Variants in CTNNA3 observed in about 807,000 individuals in gnomAD.
CTNNA3 encodes catenin alpha 3, also known as catenin alpha-3.
A neutral mutation model predicts 95.7 loss-of-function variants in CTNNA3; 76 were observed. The observed-to-expected ratio is 0.79, with a 90% CI of 0.66 to 0.96. The LOEUF is 0.96. CTNNA3 is among the 40% of genes least tolerant of loss of function. The pLI, the probability that CTNNA3 is intolerant of heterozygous loss-of-function variation, is 0.00. For missense variants in CTNNA3, 1,191 were observed against 1,089.8 expected (o/e 1.09, Z -1.31); for synonymous variants, 431 against 374.4 (o/e 1.15, Z -1.74).
intron 3 of CTNNA3, among the ~76,000 whole-genome samples, chr10:67,604,030 C>T (rs1420750453): frequency 2.6e-5 from 4 of 152,132 alleles, no homozygotes; most frequent in Non-Finnish European, 4.4e-5. Context: ...AAATACTTAC[C>T]GCTATGTTAT....
intron 7 of CTNNA3, among the ~76,000 whole-genome samples, chr10:66,912,535 A>G (rs898715396): frequency 3.9e-5 from 6 of 152,216 alleles, no homozygotes; most frequent in African/African-American, 4.8e-5. Flanking sequence ...TTAAGTTTGC[A>G]AAGTTATAAT....
At position 66,360,647 on chromosome 10, in the gene CTNNA3, C is replaced by CTTTCTTTTCT. The variant is rs1554944386; in HGVS notation, c.1732+18504_1732+18505insAGAAAAGAAA. The stretch of plus-strand genomic sequence containing the variant: ...TCTTTCTTTCTTTCTTTCTTTCTTT[C>CTTTCTTTTCT]TTTCTTTCTTTCTTCCTTCCTTCCT... On this transcript the variant is annotated intron_variant, in intron 12 of 17. Transcript: ENST00000433211. Among the ~76,000 whole-genome samples, 47 of 61,534 alleles carry CTTTCTTTTCT rather than the reference C, an allele frequency of 7.6e-4. 1 individual carries two copies. The East Asian group carries it at 0.016, about 20-fold the overall frequency. The allele number at this position is 61,534 out of a possible 152,430, so 40.4% of individuals were successfully genotyped here. A position where few individuals can be genotyped will look rare whatever the true frequency, so the allele number is the denominator to read the frequency against.
At chr10:66,212,654 T>A (rs1331947627) in intron 13 of CTNNA3, among the ~76,000 whole-genome samples, 1 of 152,184 alleles carries the variant, frequency 6.6e-6, no homozygotes, top group Non-Finnish European at 1.5e-5. Context: ...TGTATTAATA[T>A]CATTTCAGTG....
intron 5 of CTNNA3, among the ~76,000 whole-genome samples, chr10:67,514,479 A>C (rs1262417904): frequency 6.6e-6 from 1 of 152,172 alleles, no homozygotes; most frequent in Non-Finnish European, 1.5e-5. Context: ...TTCAAAGTGC[A>C]AAACAGACTA....
chr10:67,050,015 T>A (rs959011189), intron 7 of CTNNA3, among the ~76,000 whole-genome samples: 1 of 152,196 alleles, frequency 6.6e-6, no homozygotes, highest in African/African-American at 2.4e-5. Flanking sequence ...ATTTGTAAGT[T>A]AGTAGATGCT....
At chr10:67,052,459 T>G (rs987495694) in intron 7 of CTNNA3, 1 of 152,190 alleles carries the variant, frequency 6.6e-6, no homozygotes. Context: ...ATAGAAATTA[T>G]TCTAATCCAA....
chr10:65,990,099 A>ACG (rs2078511088), intron 15 of CTNNA3, among the ~76,000 whole-genome samples: 1 of 147,420 alleles, frequency 6.8e-6, no homozygotes, highest in Non-Finnish European at 1.5e-5. Flanking sequence ...GTGTGTATAC[A>ACG]CACACACACA....
At chr10:66,900,573 C>A (rs1211669363) in intron 7 of CTNNA3, among the ~76,000 whole-genome samples, 1 of 152,048 alleles carries the variant, frequency 6.6e-6, no homozygotes. Flanking sequence ...TAACAAACTT[C>A]TCTGAGCTAA....
intron 13 of CTNNA3, among the ~76,000 whole-genome samples, chr10:66,134,787 T>A (rs1042771418): frequency 1.3e-5 from 2 of 151,932 alleles, no homozygotes; most frequent in African/African-American, 4.8e-5. Context: ...AATACACATT[T>A]TTAAGACAGC....
chr10:66,912,871 G>T (rs1846279247), intron 7 of CTNNA3, among the ~76,000 whole-genome samples: 1 of 151,354 alleles, frequency 6.6e-6, no homozygotes, highest in African/African-American at 2.4e-5. Flanking sequence ...CACCCTTAAC[G>T]AACTATACAG....
intron 3 of CTNNA3, among the ~76,000 whole-genome samples, chr10:67,541,219 T>A (rs1840675277): frequency 1.3e-5 from 2 of 151,882 alleles, no homozygotes; most frequent in Admixed American, 1.3e-4. Context: ...TAAGTTTTGT[T>A]ATATATTGCC....
chr10:67,519,953 AC>A (rs1374066557), intron 5 of CTNNA3, among the ~76,000 whole-genome samples: 1 of 152,108 alleles, frequency 6.6e-6, no homozygotes, highest in African/African-American at 2.4e-5. Flanking sequence ...TGACCCTTTG[AC>A]CCTGCCCATC....
intron 14 of CTNNA3, among the ~76,000 whole-genome samples, chr10:66,089,521 A>G (rs2081130899): frequency 6.7e-6 from 1 of 150,272 alleles, no homozygotes; most frequent in Non-Finnish European, 1.5e-5. Flanking sequence ...TTTTAAATCT[A>G]CTCTGGTTCG....
intron 7 of CTNNA3, among the ~76,000 whole-genome samples, chr10:66,784,274 C>T (rs1030310746): frequency 6.6e-6 from 1 of 151,982 alleles, no homozygotes; most frequent in Non-Finnish European, 1.5e-5. Context: ...TTTAAAGAAA[C>T]TTGGCATATA....
At position 66,739,808 on chromosome 10, in the gene CTNNA3, G is replaced by A. The variant is rs74141664; in HGVS notation, c.1281+26456C>T. Among the ~76,000 whole-genome samples, 1,147 of 152,214 alleles carry A rather than the reference G, an allele frequency of 7.5e-3. 14 individuals carry two copies. The highest frequency in any genetic ancestry group is 0.026 in the African/African-American group (1,092 of 41,538). ...CTGATTGGGGAAAGTACAGTTGTGT[G>A]TTTGTGTGTGTGTGTGTAGACACAA... On this transcript the variant is annotated intron_variant, in intron 9 of 17. Coordinates refer to ENST00000433211, the MANE Select transcript of CTNNA3 (RefSeq NM_013266.4).
At chr10:65,954,070 T>C (rs533427737) in intron 17 of CTNNA3, among the ~76,000 whole-genome samples, 36 of 152,348 alleles carry the variant, frequency 2.4e-4, no homozygotes, top group Non-Finnish European at 3.1e-4. Flanking sequence ...TTTTTAATGA[T>C]CGCCATTCTA....
intron 11 of CTNNA3, among the ~76,000 whole-genome samples, chr10:66,413,471 T>C (rs1016729038): frequency 5.9e-5 from 9 of 152,208 alleles, no homozygotes; most frequent in African/African-American, 2.2e-4. Context: ...GAAATGTCTC[T>C]GAATATTTAT....
chr10:66,531,884 T>G (rs1014484104), intron 10 of CTNNA3, among the ~76,000 whole-genome samples: 1 of 152,146 alleles, frequency 6.6e-6, no homozygotes, highest in Non-Finnish European at 1.5e-5. Flanking sequence ...CAGAGATTTT[T>G]TGATCCATTA....
chr10:67,413,041 C>T (rs749124120), intron 5 of CTNNA3, among the ~76,000 whole-genome samples: 3 of 152,070 alleles, frequency 2.0e-5, no homozygotes, highest in African/African-American at 4.8e-5. Flanking sequence ...TCAAAAGACA[C>T]AGAGTGGCAG....
Sources: gnomAD v4.1 joint callset for allele counts (sites outside exome capture counted in the v4.1 genomes callset) on GRCh38, gnomAD v4.1.1 for gene constraint, MANE v1.5 for transcripts, NCBI Gene and HGNC (gene_info 2026-07-23, HGNC 2026-07-21) for gene names.